The following WDR12 variants were observed in gnomAD, a reference collection of about 807,000 sequenced individuals.
WDR12 encodes WD repeat domain 12.
Under a neutral mutation model 64.3 loss-of-function variants are expected in WDR12, and 42 were observed. That is an observed-to-expected ratio of 0.65 (90% confidence interval 0.51 to 0.84). WDR12 has a LOEUF of 0.84. Ranked by LOEUF, WDR12 falls within the 40% of genes least tolerant of loss-of-function variation. The pLI is 0.00. For synonymous variants in WDR12, 158 were observed against 173.3 expected (o/e 0.91, Z 0.70); for missense variants, 469 against 494.6 (o/e 0.95, Z 0.49).
chr2:202,901,459 A>T (rs1688347674), intron 2 of WDR12, among the ~76,000 whole-genome samples: 1 of 152,198 alleles, frequency 6.6e-6, no homozygotes. Context: ...TTTTAAAGCA[A>T]ATCTCAGAAA....
intron 5 of WDR12, among the ~76,000 whole-genome samples, chr2:202,896,634 T>C (rs1688247411): frequency 6.6e-6 from 1 of 151,506 alleles, no homozygotes; most frequent in Non-Finnish European, 1.5e-5. Context: ...GAAGTTGCAG[T>C]GAGTTGAGAT....
chr2:202,909,306 T>C (rs1420650888), intron 1 of WDR12, among the ~76,000 whole-genome samples: 3 of 152,212 alleles, frequency 2.0e-5, no homozygotes, highest in South Asian at 2.1e-4. Context: ...AGCTGATGAA[T>C]GGAAAAATAT....
intron 3 of WDR12, 79 bp downstream of exon 3, chr2:202,900,946 G>C (rs1688337215): frequency 1.8e-6 from 2 of 1,128,910 alleles, no homozygotes; most frequent in Non-Finnish European, 2.6e-6. Context: ...GATAGATTCA[G>C]TGTGATTCTA....
chr2:202,889,026 G>A (rs947479073), intron 8 of WDR12, among the ~76,000 whole-genome samples: 2 of 152,122 alleles, frequency 1.3e-5, no homozygotes, highest in Non-Finnish European at 2.9e-5. Flanking sequence ...TTCTAACGCA[G>A]CAACATTTTC....
chr2:202,880,759 C>T lies in WDR12; in HGVS notation c.*101G>A, dbSNP rs1247868897. On this transcript the variant is annotated 3_prime_UTR_variant, in exon 13 of 13. Transcript: ENST00000261015. ...ATGAAGGGTGAAAACATTATATAAACTTCAAAAGGCTGCTTTCTGCATCTG... is the reference window on the plus strand; with the variant it reads ...ATGAAGGGTGAAAACATTATATAAATTTCAAAAGGCTGCTTTCTGCATCTG... 1 of 985,932 alleles carries T rather than the reference C, an allele frequency of 1.0e-6. No homozygotes were observed. The highest frequency in any genetic ancestry group is 1.5e-6 in the Non-Finnish European group (1 of 682,226). 61.1% of individuals were successfully genotyped at this position (985,932 alleles called of 1,614,324 possible).
At position 202,883,647 on chromosome 2, in the gene WDR12, T is replaced by C; in HGVS notation, c.1083A>G (p.Gly361=). 1 of 1,614,142 alleles carries C rather than the reference T, an allele frequency of 6.2e-7. No homozygotes were observed. The highest frequency in any genetic ancestry group is 2.2e-5 in the East Asian group (1 of 44,882). The change falls in exon 11 of 13, where the codon GGA becomes GGG. Residue 361 remains glycine, a synonymous_variant. Transcript: ENST00000261015. Reference sequence around the variant, plus strand: ...ACAGCTTAACAATGTTATCTAAAGATCCTGAAATCAGCTGCTGTTCATGGG... The same window carrying C: ...ACAGCTTAACAATGTTATCTAAAGACCCTGAAATCAGCTGCTGTTCATGGG... ...SPTHEQQLIS[G]SLDNIVKLWD...
chr2:202,884,227 T>C lies in WDR12; in HGVS notation c.959A>G (p.His320Arg), dbSNP rs774512072. Residue 320 changes from histidine to arginine, a missense_variant, in exon 10 of 13, where the codon CAT becomes CGT. Physicochemically the swap from His to Arg is conservative, Grantham distance 29. Transcript: ENST00000261015. ...KRLASGSTDR[H>R]IRLWDPRTKD... ...AGTTCGGGGATCCCACAGTCTGATA[T>C]GCCTATCTGTGCTTCCAGATGCTAA... is the stretch of plus-strand genomic sequence containing the variant. 19 of 1,613,374 alleles carry C rather than the reference T, an allele frequency of 1.2e-5. No homozygotes were observed. The East Asian group carries it at 4.2e-4, about 36-fold the overall frequency.
chr2:202,891,399 C>T (rs1010199158), intron 8 of WDR12, among the ~76,000 whole-genome samples: 2 of 152,192 alleles, frequency 1.3e-5, no homozygotes, highest in African/African-American at 4.8e-5. Flanking sequence ...ATCTGCCCGC[C>T]TTGGCCTCCC....
chr2:202,891,323 A>C lies in WDR12; in HGVS notation c.741+1294T>G, dbSNP rs535992231. Among the ~76,000 whole-genome samples the C allele has an allele frequency of 9.2e-5, 14 of 152,204 alleles. No individual in the cohort carries two copies. The South Asian group carries it at 1.9e-3, about 20-fold the overall frequency. On this transcript the variant is annotated intron_variant, in intron 8 of 12. Coordinates refer to ENST00000261015, the MANE Select transcript of WDR12 (RefSeq NM_018256.4). Reference sequence around the variant, plus strand: ...CACCACATCCAGCTAACTTTTAAAAAATTTTTTGTAGAGACAGGGTATCAC... The same window carrying C: ...CACCACATCCAGCTAACTTTTAAAACATTTTTTGTAGAGACAGGGTATCAC...
At chr2:202,899,342 C>A (rs912148417) in intron 4 of WDR12, among the ~76,000 whole-genome samples, 189 bp downstream of exon 4, 2 of 152,152 alleles carry the variant, frequency 1.3e-5, no homozygotes, top group African/African-American at 4.8e-5. Context: ...CTGCACCCAG[C>A]CACCTGTTTC....
At chr2:202,890,837 A>G (rs1688143034) in intron 8 of WDR12, among the ~76,000 whole-genome samples, 1 of 150,722 alleles carries the variant, frequency 6.6e-6, no homozygotes, top group Non-Finnish European at 1.5e-5. Flanking sequence ...CTTTAAAAAG[A>G]GAAAAAATTG....
intron 8 of WDR12, among the ~76,000 whole-genome samples, chr2:202,889,680 C>T (rs567986664): frequency 2.7e-5 from 4 of 148,886 alleles, no homozygotes; most frequent in Non-Finnish European, 5.9e-5. Context: ...TTTGGAAGGC[C>T]GAGGTGGGAG....
At chr2:202,890,535 C>T (rs1006045069) in intron 8 of WDR12, among the ~76,000 whole-genome samples, 9 of 151,260 alleles carry the variant, frequency 6.0e-5, no homozygotes, top group African/African-American at 1.5e-4. Flanking sequence ...TTTGGGAGGC[C>T]GAGGCGGGTG....
At chr2:202,897,655 T>C (rs756119457) in intron 4 of WDR12, among the ~76,000 whole-genome samples, 5 of 148,138 alleles carry the variant, frequency 3.4e-5, no homozygotes, top group Admixed American at 2.1e-4. Flanking sequence ...TTTGGGAGGC[T>C]GAGGCAGGCG....
At chr2:202,882,876 G>T in intron 11 of WDR12, 93 bp from the exon 12 acceptor site, 2 of 1,298,592 alleles carry the variant, frequency 1.5e-6, no homozygotes, top group East Asian at 2.4e-5. Context: ...AACTTTACAG[G>T]GTTTACCAAC....
chr2:202,897,769 G>C (rs1688273618), intron 4 of WDR12, among the ~76,000 whole-genome samples: 1 of 148,446 alleles, frequency 6.7e-6, no homozygotes, highest in African/African-American at 2.5e-5. Flanking sequence ...GGTGCCTGTA[G>C]TCTCAGCTAC....
At chr2:202,898,944 T>TA (rs532820834) in intron 4 of WDR12, among the ~76,000 whole-genome samples, 1,832 of 94,910 alleles carry the variant, frequency 0.019, 43 homozygotes, top group African/African-American at 0.049. Flanking sequence ...AGACCCCGTT[T>TA]AAAAAAAAAA....
chr2:202,897,496 A>G (rs1207959105), intron 4 of WDR12, 81 bp from the exon 5 acceptor site: 6 of 702,194 alleles, frequency 8.5e-6, no homozygotes, highest in Non-Finnish European at 1.4e-5. Context: ...TGACAAAGTA[A>G]CTTTGAGGAT....
At position 202,875,636 on chromosome 2, in the gene WDR12, C is replaced by T. The variant is rs1239769560; in HGVS notation, c.*5224G>A. On this transcript the variant is annotated 3_prime_UTR_variant, in exon 13 of 13. Coordinates refer to ENST00000261015, the MANE Select transcript of WDR12 (RefSeq NM_018256.4). The stretch of plus-strand genomic sequence containing the variant: ...CTCCCGACCTCAGATGATATGCCCA[C>T]CTCAGCCTCCCAAAATGTTGGGATT... 6.6e-6 allele frequency: 1 copy of T among 152,212 alleles called. No homozygotes were observed. The highest frequency in any genetic ancestry group is 1.5e-5 in the Non-Finnish European group (1 of 68,054). 9.4% of individuals were successfully genotyped at this position (152,212 alleles called of 1,614,324 possible). A position where few individuals can be genotyped will look rare whatever the true frequency, so the allele number is the denominator to read the frequency against.
Sources: gnomAD v4.1 joint callset for allele counts (sites outside exome capture counted in the v4.1 genomes callset) on GRCh38, gnomAD v4.1.1 for gene constraint, MANE v1.5 for transcripts, NCBI Gene and HGNC (gene_info 2026-07-23, HGNC 2026-07-21) for gene names.